FAT3: variants seen among roughly 807,000 people sequenced by gnomAD.
FAT3 encodes the protein protocadherin Fat 3.
A neutral mutation model predicts 310.2 loss-of-function variants in FAT3; 95 were observed. That is an observed-to-expected ratio of 0.31 (90% CI 0.26 to 0.36). The LOEUF (loss-of-function observed/expected upper bound fraction) is 0.36. Among genes scored for constraint, FAT3 ranks in the 10% least tolerant of loss-of-function variants. The pLI is 1.00. For synonymous variants in FAT3, 2,314 were observed against 2,192.9 expected (o/e 1.06, Z -1.54); for missense variants, 5,408 against 5,715.6 (o/e 0.95, Z 1.74).
intron 2 of FAT3, among the ~76,000 whole-genome samples, chr11:92,383,504 T>C (rs1205087515): frequency 6.6e-6 from 1 of 152,206 alleles, no homozygotes. Context: ...CCTCCCAGTT[T>C]TGAAGCATGT....
chr11:92,805,279 T>C lies in FAT3; in HGVS notation c.9023T>C (p.Leu3008Pro), dbSNP rs2136199677. ...CTCAATATCACTGCCACTGATGGGCTTTTTGTCACACAGGCCATGGTGGAA... is the reference window on the plus strand; with the variant it reads ...CTCAATATCACTGCCACTGATGGGCCTTTTGTCACACAGGCCATGGTGGAA... ...YFLNITATDG[L>P]FVTQAMVEVS... is the part of the protein sequence containing the mutation. The change falls in exon 11 of 28, where the codon CTT (leucine) becomes CCT (proline). Residue 3008 changes from leucine to proline, a missense_variant. Physicochemically the swap from Leu to Pro is moderately conservative, Grantham distance 98. Around this residue, in one of 5 missense-constraint regions of FAT3, gnomAD observed 4,588 missense variants for 4,809.8 expected, o/e 0.95. Coordinates refer to ENST00000525166, the MANE Select transcript of FAT3 (RefSeq NM_001367949.2). The C allele has an allele frequency of 2.5e-6, 4 of 1,613,866 alleles. No homozygotes were observed. Among genetic ancestry groups the C allele is most frequent in the Non-Finnish European group, 3.4e-6 (4 of 1,179,826 alleles).
rs769990925 is a variant in FAT3 at position 92,883,112 on chromosome 11, G to T, written c.12656G>T (p.Arg4219Leu). ...AACCTGCGCGGCAGTGGGGACGGCCGCAACGTCTACCAGGAGGTGGGGCCC... is the reference window on the plus strand; with the variant it reads ...AACCTGCGCGGCAGTGGGGACGGCCTCAACGTCTACCAGGAGGTGGGGCCC... ...FRNLRGSGDG[R>L]NVYQEVGPPQ... The change falls in exon 24 of 28, where the codon CGC (arginine) becomes CTC (leucine). Residue 4219 changes from arginine to leucine, a missense_variant. Physicochemically the swap from Arg to Leu is moderately radical, Grantham distance 102. This residue lies in a region of FAT3 where 649 missense variants were observed against 666.2 expected (regional missense o/e 0.97). Transcript: ENST00000525166. This position sits in a 1 kb window ranked among gnomAD's most constrained non-coding sequence, Gnocchi z 4.2. The T allele has an allele frequency of 1.2e-6, 2 of 1,613,790 alleles. No individual in the cohort carries two copies. The highest frequency in any genetic ancestry group is 1.3e-5 in the African/African-American group (1 of 75,068).
At chr11:92,351,200 A>G (rs1263497261) in intron 1 of FAT3, among the ~76,000 whole-genome samples, 1 of 152,186 alleles carries the variant, frequency 6.6e-6, no homozygotes. Context: ...CTCCAGTCAT[A>G]TAACTCCTTA....
chr11:92,854,398 G>T (rs993575963), intron 19 of FAT3, among the ~76,000 whole-genome samples: 12 of 152,116 alleles, frequency 7.9e-5, no homozygotes, highest in Non-Finnish European at 2.9e-5. Context: ...GTTCACACTT[G>T]CCAACTCAGT....
chr11:92,600,541 T>C (rs1236204599), intron 3 of FAT3, among the ~76,000 whole-genome samples: 1 of 152,182 alleles, frequency 6.6e-6, no homozygotes, highest in Non-Finnish European at 1.5e-5. Context: ...CTCAAAGAAA[T>C]GCTTAGAATT....
At chr11:92,337,452 A>T (rs1041646059) in intron 1 of FAT3, among the ~76,000 whole-genome samples, 1 of 152,108 alleles carries the variant, frequency 6.6e-6, no homozygotes, top group African/African-American at 2.4e-5. Flanking sequence ...TTGTTTTGAG[A>T]TGGAATTTCC....
chr11:92,376,328 C>G (rs1217451294), intron 2 of FAT3, among the ~76,000 whole-genome samples: 1 of 152,126 alleles, frequency 6.6e-6, no homozygotes, highest in East Asian at 1.9e-4. Flanking sequence ...AAGTTTCTAG[C>G]CTTTTAGTAA....
At chr11:92,684,375 G>A (rs1943570524) in intron 3 of FAT3, among the ~76,000 whole-genome samples, 1 of 152,164 alleles carries the variant, frequency 6.6e-6, no homozygotes, top group Non-Finnish European at 1.5e-5. Flanking sequence ...TGAAAGGAAA[G>A]AAAGTCCCGG....
chr11:92,508,885 A>G lies in FAT3; in HGVS notation c.3293-15749A>G, dbSNP rs79939455. On this transcript the variant is annotated intron_variant, in intron 2 of 27. Transcript: ENST00000525166. ...TCCACCTGAAAATGTTCTTGCTTGA[A>G]GAGCTGAAGGTTATGTTCTGACATT... is the stretch of plus-strand genomic sequence containing the variant. Among the ~76,000 whole-genome samples the G allele has an allele frequency of 0.015, 2,217 of 152,290 alleles. 79 individuals are homozygous for G. In the East Asian group the frequency reaches 0.15, roughly 11 times the overall value.
intron 1 of FAT3, among the ~76,000 whole-genome samples, chr11:92,351,884 A>T (rs995679275): frequency 6.6e-6 from 1 of 152,226 alleles, no homozygotes; most frequent in Non-Finnish European, 1.5e-5. Flanking sequence ...CTTGAAAACA[A>T]TTCTTACAAG....
chr11:92,662,910 C>A (rs1942835721), intron 3 of FAT3, among the ~76,000 whole-genome samples: 1 of 152,172 alleles, frequency 6.6e-6, no homozygotes, highest in Admixed American at 6.5e-5. Flanking sequence ...TGCTGTAAGC[C>A]CAAGGAGCCA....
chr11:92,420,122 G>A (rs1185380881), intron 2 of FAT3, among the ~76,000 whole-genome samples: 1 of 152,158 alleles, frequency 6.6e-6, no homozygotes, highest in African/African-American at 2.4e-5. Flanking sequence ...CACAGGTTTT[G>A]TCATTCAAGG....
At chr11:92,416,219 CAAAA>C (rs34393360) in intron 2 of FAT3, among the ~76,000 whole-genome samples, 2 of 131,350 alleles carry the variant, frequency 1.5e-5, no homozygotes, top group Non-Finnish European at 3.3e-5. Context: ...ACTAAAGATA[CAAAA>C]AAAAAAAAAA....
intron 3 of FAT3, among the ~76,000 whole-genome samples, chr11:92,665,462 A>C (rs983032132): frequency 6.6e-6 from 1 of 152,200 alleles, no homozygotes; most frequent in Admixed American, 6.5e-5. Context: ...AAAATATTCA[A>C]AATAGGAAAG....
At chr11:92,793,110 G>T in intron 9 of FAT3, 133 bp downstream of exon 9, 1 of 837,214 alleles carries the variant, frequency 1.2e-6, no homozygotes, top group East Asian at 2.7e-5. Flanking sequence ...CCAAGCCGCT[G>T]TCCTATTTGG....
intron 2 of FAT3, among the ~76,000 whole-genome samples, chr11:92,395,875 G>A (rs376855557): frequency 5.9e-5 from 9 of 151,992 alleles, no homozygotes; most frequent in African/African-American, 2.2e-4. Flanking sequence ...CACCACGCCC[G>A]GCCCAGTGTC....
intron 3 of FAT3, among the ~76,000 whole-genome samples, chr11:92,647,150 TTTAA>T (rs1942197878): frequency 6.6e-6 from 1 of 152,212 alleles, no homozygotes; most frequent in Non-Finnish European, 1.5e-5. Context: ...ATCTTAATAC[TTTAA>T]TTATCTTTCG....
At chr11:92,713,239 T>G (rs376958393) in intron 4 of FAT3, among the ~76,000 whole-genome samples, 1 of 152,234 alleles carries the variant, frequency 6.6e-6, no homozygotes, top group Non-Finnish European at 1.5e-5. Context: ...CTGCAAAGAA[T>G]GATAAGCAAA....
intron 2 of FAT3, among the ~76,000 whole-genome samples, chr11:92,470,496 G>A (rs72972475): frequency 0.032 from 4,862 of 152,192 alleles, 89 homozygotes; most frequent in African/African-American, 0.036. Context: ...CCATGACTGG[G>A]GTACAAATTG....
Sources: gnomAD v4.1 joint callset for allele counts (sites outside exome capture counted in the v4.1 genomes callset) on GRCh38, gnomAD v4.1.1 for gene constraint, gnomAD v4.1.1 regional missense constraint, Gnocchi (gnomAD v3.1) non-coding constraint, MANE v1.5 for transcripts, NCBI Gene and HGNC (gene_info 2026-07-23, HGNC 2026-07-21) for gene names.